FOCAD: variants seen among roughly 807,000 people sequenced by gnomAD.
FOCAD encodes the protein focadhesin.
FOCAD carries 198 observed loss-of-function variants against 225.6 expected under a neutral mutation model. The ratio of observed to expected loss-of-function variants is 0.88; its 90% confidence interval spans 0.78 to 0.99. The LOEUF (loss-of-function observed/expected upper bound fraction) is 0.99, where lower values mean the gene tolerates loss of function less well. FOCAD is among the 50% of genes least tolerant of loss of function. FOCAD has a pLI of 0.00. For missense variants in FOCAD, 2,713 were observed against 2,123.6 expected (o/e 1.28, Z -5.46); for synonymous variants, 897 against 755.0 (o/e 1.19, Z -3.08).
chr9:20,758,237 G>A (rs1829241088), intron 6 of FOCAD, 46 bp downstream of exon 6: 1 of 1,359,686 alleles, frequency 7.4e-7, no homozygotes, highest in Non-Finnish European at 1.0e-6. Context: ...AGACAGAATG[G>A]TATATGCTAA....
At chr9:20,672,977 C>T (rs1205067688) in intron 2 of FOCAD, among the ~76,000 whole-genome samples, 1 of 152,074 alleles carries the variant, frequency 6.6e-6, no homozygotes, top group Admixed American at 6.5e-5. Flanking sequence ...AATTTGTATT[C>T]ATTTTGGAAG....
intron 41 of FOCAD, among the ~76,000 whole-genome samples, 159 bp from the exon 42 acceptor site, chr9:20,989,964 T>C (rs1841501468): frequency 6.6e-6 from 1 of 152,212 alleles, no homozygotes; most frequent in South Asian, 2.1e-4. Context: ...GAGTTTACTG[T>C]TCAGTTCAGT....
intron 26 of FOCAD, among the ~76,000 whole-genome samples, chr9:20,927,146 G>C (rs1224590196): frequency 6.6e-6 from 1 of 152,038 alleles, no homozygotes; most frequent in Non-Finnish European, 1.5e-5. Context: ...TGTAGTCAGG[G>C]TCAAGAGCTA....
intron 35 of FOCAD, among the ~76,000 whole-genome samples, chr9:20,963,231 A>G (rs1838927312): frequency 6.6e-6 from 1 of 152,158 alleles, no homozygotes; most frequent in East Asian, 1.9e-4. Context: ...TTTCAACCCT[A>G]TTCTCCATTT....
At chr9:20,757,864 G>A (rs1451160114) in intron 5 of FOCAD, among the ~76,000 whole-genome samples, 1 of 152,192 alleles carries the variant, frequency 6.6e-6, no homozygotes. Context: ...TGAGGCTCCT[G>A]TGTCCATTTT....
chr9:20,707,043 C>G (rs978601596), intron 1 of FOCAD, among the ~76,000 whole-genome samples: 2 of 152,158 alleles, frequency 1.3e-5, no homozygotes, highest in African/African-American at 4.8e-5. Context: ...CATATTCTTA[C>G]TGTACCATAT....
In FOCAD at chr9:20,729,313, T is replaced by C. The variant is rs142068299; in HGVS notation, c.287+8779T>C. 5.9e-3 allele frequency among the ~76,000 whole-genome samples: 892 copies of C among 152,318 alleles called. 6 individuals are homozygous for C. The highest frequency in any genetic ancestry group is 0.02 in the African/African-American group (845 of 41,578). On this transcript the variant is annotated intron_variant, in intron 4 of 43. Coordinates refer to ENST00000338382, the MANE Select transcript of FOCAD (RefSeq NM_001375567.1). ...GAAACCTTTGACATTCCTTGCCTTGTGGCCTTGTAACTTCAGTCTCTGCCT... is the reference window on the plus strand; with the variant it reads ...GAAACCTTTGACATTCCTTGCCTTGCGGCCTTGTAACTTCAGTCTCTGCCT...
Position 20,976,375 on chromosome 9 carries a change from A to T in FOCAD, c.4133-45A>T, listed in dbSNP as rs1439917162. ...ATTGTTGGCATTTTCCACTTCCATG[A>T]TAGTATGCAGGTGTTTTACTATTAT... is the stretch of plus-strand genomic sequence containing the variant. On this transcript the variant is annotated intron_variant, in intron 35 of 43. Transcript: ENST00000338382. 1.9e-6 allele frequency: 3 copies of T among 1,592,366 alleles called. No homozygotes were observed. The East Asian group carries it at 6.7e-5, about 36-fold the overall frequency.
At chr9:20,834,120 TA>T in intron 15 of FOCAD, among the ~76,000 whole-genome samples, 1 of 152,012 alleles carries the variant, frequency 6.6e-6, no homozygotes, top group Non-Finnish European at 1.5e-5. Flanking sequence ...TGTGCAGTCA[TA>T]AAAAAGAACA....
chr9:20,961,294 G>T (rs560692204), intron 35 of FOCAD, among the ~76,000 whole-genome samples: 3 of 151,178 alleles, frequency 2.0e-5, no homozygotes, highest in Non-Finnish European at 4.4e-5. Context: ...TCTTTAACTT[G>T]TCCAATAAAT....
At chr9:20,786,065 A>G (rs1819892400) in intron 10 of FOCAD, among the ~76,000 whole-genome samples, 1 of 152,120 alleles carries the variant, frequency 6.6e-6, no homozygotes, top group Non-Finnish European at 1.5e-5. Flanking sequence ...ACTTTTCTGG[A>G]TTACCCAGGT....
Position 20,801,250 on chromosome 9 carries a change from C to G in FOCAD, c.1455+11642C>G, listed in dbSNP as rs146780355. 6.9e-3 allele frequency among the ~76,000 whole-genome samples: 1,054 copies of G among 152,206 alleles called. 16 individuals carry two copies. The highest frequency in any genetic ancestry group is 0.022 in the African/African-American group (908 of 41,548). On this transcript the variant is annotated intron_variant, in intron 11 of 43. Transcript: ENST00000338382. ...ATAGAATACAAAGTGAAAAGCGTTA[C>G]ATGGGATAAAGAGGGGGTTTTATAA... is the stretch of plus-strand genomic sequence containing the variant.
chr9:20,844,459 T>G (rs1826878330), intron 15 of FOCAD, among the ~76,000 whole-genome samples: 1 of 148,592 alleles, frequency 6.7e-6, no homozygotes, highest in Non-Finnish European at 1.5e-5. Flanking sequence ...CTCCCAAGTT[T>G]AAGCGATTCT....
rs144329686 is a variant in FOCAD, at chr9:20,933,802, T to G, written c.3407+699T>G. 5.3e-5 allele frequency among the ~76,000 whole-genome samples: 8 copies of G among 152,314 alleles called. No homozygotes were observed. The East Asian group carries it at 1.5e-3, about 29-fold the overall frequency. On this transcript the variant is annotated intron_variant, in intron 28 of 43. Transcript: ENST00000338382. ...TAAGGAATCTCCACACTGTTTTCCA[T>G]AGTGATTGTACTAGTTTACACTCCC...
chr9:20,881,647 T>G lies in FOCAD; in HGVS notation c.2318-224T>G, dbSNP rs1049217506. Among the ~76,000 whole-genome samples, 9 of 152,098 alleles carry G rather than the reference T, an allele frequency of 5.9e-5. 1 individual carries two copies. Among genetic ancestry groups the G allele is most frequent in the Non-Finnish European group, 1.3e-4 (9 of 68,022 alleles). The stretch of plus-strand genomic sequence containing the variant: ...CAGAAGGACTTGCTAATGGATTACA[T>G]GTAATAAGTGAGGGAAAGAGAGGAA... On this transcript the variant is annotated intron_variant, in intron 19 of 43. Coordinates refer to ENST00000338382, the MANE Select transcript of FOCAD (RefSeq NM_001375567.1).
chr9:20,993,370 A>T (rs1239575999), intron 43 of FOCAD, 42 bp downstream of exon 43: 1 of 1,508,538 alleles, frequency 6.6e-7, no homozygotes, highest in African/African-American at 1.4e-5. Flanking sequence ...GGGAAAAACC[A>T]TTATTGTTGT....
chr9:20,699,758 A>T (rs1823721229), intron 1 of FOCAD, among the ~76,000 whole-genome samples: 5 of 61,050 alleles, frequency 8.2e-5, no homozygotes, highest in Admixed American at 2.2e-4. Flanking sequence ...AAAAAAAAAA[A>T]AAAAAAAAAA....
intron 35 of FOCAD, among the ~76,000 whole-genome samples, chr9:20,966,780 C>G (rs779488831): frequency 2.0e-5 from 3 of 151,938 alleles, no homozygotes; most frequent in Non-Finnish European, 4.4e-5. Flanking sequence ...CATTCTTTCC[C>G]CCATTGAAGG....
intron 4 of FOCAD, among the ~76,000 whole-genome samples, chr9:20,729,169 T>C (rs1314115592): frequency 2.6e-5 from 4 of 152,230 alleles, no homozygotes; most frequent in Non-Finnish European, 5.9e-5. Context: ...AAATTTATTA[T>C]TTCATGATTT....
Sources: allele counts gnomAD v4.1 joint callset (sites outside exome capture counted in the v4.1 genomes callset), GRCh38; gene constraint gnomAD v4.1.1; transcripts MANE v1.5; gene names NCBI Gene and HGNC (gene_info 2026-07-23, HGNC 2026-07-21).